RAB35: variants seen among roughly 807,000 people sequenced by gnomAD.
The protein encoded by RAB35 is ras-related protein Rab-35.
RAB35 carries 4 observed loss-of-function variants against 28.9 expected under a neutral mutation model. The ratio of observed to expected loss-of-function variants is 0.14; its 90% confidence interval spans 0.07 to 0.32. The LOEUF is 0.32. RAB35 is among the 10% of genes least tolerant of loss of function. RAB35 has a pLI of 1.00. For missense variants in RAB35, 128 were observed against 274.0 expected (o/e 0.47, Z 3.76); for synonymous variants, 99 against 105.1 (o/e 0.94, Z 0.35).
Position 120,098,949 on chromosome 12 carries a change from C to T in RAB35, c.353-14G>A. 1 of 1,614,172 alleles carries T rather than the reference C, an allele frequency of 6.2e-7. No homozygotes were observed. On this transcript the variant is annotated splice_polypyrimidine_tract_variant and intron_variant, in intron 4 of 5. Coordinates refer to ENST00000229340, the MANE Select transcript of RAB35 (RefSeq NM_006861.7). ...TCTTATTACCCACTTCAAACGAAGG[C>T]AGAGTCAGCGCAGCCCTGAGGGGCG...
chr12:120,107,145 C>T (rs142290512), intron 2 of RAB35, among the ~76,000 whole-genome samples: 132 of 152,044 alleles, frequency 8.7e-4, no homozygotes, highest in East Asian at 1.4e-3. Context: ...TGCACCACCA[C>T]GCCCAGCTAA....
intron 2 of RAB35, among the ~76,000 whole-genome samples, chr12:120,106,306 A>T (rs1399360107): frequency 6.6e-6 from 1 of 152,176 alleles, no homozygotes. Context: ...AGTCGCAACA[A>T]ATAGCTGGTA....
At chr12:120,110,517 G>A (rs1164307041) in intron 1 of RAB35, among the ~76,000 whole-genome samples, 1 of 151,888 alleles carries the variant, frequency 6.6e-6, no homozygotes, top group Non-Finnish European at 1.5e-5. Context: ...TGCCTCCCAA[G>A]GTGCTGGGCT....
chr12:120,115,950 C>A (rs1876312912), intron 1 of RAB35, among the ~76,000 whole-genome samples: 3 of 152,152 alleles, frequency 2.0e-5, no homozygotes, highest in Admixed American at 6.5e-5. Flanking sequence ...GAAACTGAAC[C>A]ACGCAGGGAT....
intron 3 of RAB35, among the ~76,000 whole-genome samples, chr12:120,102,301 G>A (rs758549872): frequency 1.1e-4 from 17 of 152,210 alleles, no homozygotes; most frequent in Non-Finnish European, 1.6e-4. Flanking sequence ...TGAGGTCAGC[G>A]CCCAGACCAG....
chr12:120,106,771 T>C (rs1357821781), intron 2 of RAB35, among the ~76,000 whole-genome samples: 1 of 151,920 alleles, frequency 6.6e-6, no homozygotes, highest in Non-Finnish European at 1.5e-5. Flanking sequence ...TTATTTTTAG[T>C]AGAGACAGAG....
intron 2 of RAB35, among the ~76,000 whole-genome samples, chr12:120,107,244 C>T (rs1212759615): frequency 6.6e-6 from 1 of 152,136 alleles, no homozygotes; most frequent in Non-Finnish European, 1.5e-5. Flanking sequence ...GCCTCGGCCT[C>T]CCAAAGTGCT....
At chr12:120,104,682 C>T (rs1239859870) in intron 2 of RAB35, among the ~76,000 whole-genome samples, 5 of 152,142 alleles carry the variant, frequency 3.3e-5, no homozygotes, top group Middle Eastern at 3.4e-3. Context: ...CTCATTCTGT[C>T]GCCCAGGCTG....
Position 120,102,992 on chromosome 12 carries a change from A to T in RAB35, c.227+834T>A, listed in dbSNP as rs1362176411. ...GCAGCACCAAGCACACAGAGCTGCC[A>T]GACACCACACCCCGGCACGCACGTT... On this transcript the variant is annotated intron_variant, in intron 3 of 5. Transcript: ENST00000229340. 2.0e-5 allele frequency among the ~76,000 whole-genome samples: 3 copies of T among 152,152 alleles called. No individual in the cohort carries two copies. The East Asian group carries it at 5.8e-4, about 29-fold the overall frequency.
At chr12:120,108,964 C>A (rs1438329462) in intron 1 of RAB35, among the ~76,000 whole-genome samples, 1 of 152,224 alleles carries the variant, frequency 6.6e-6, no homozygotes, top group Non-Finnish European at 1.5e-5. Context: ...CCAAGGCCCA[C>A]ATAGCTAGAA....
chr12:120,099,320 G>T, intron 3 of RAB35, 166 bp from the exon 4 acceptor site: 1 of 869,024 alleles, frequency 1.2e-6, no homozygotes, highest in Non-Finnish European at 1.7e-6. Flanking sequence ...CAACAGGCCA[G>T]CAGGAGAGGC....
chr12:120,096,162 G>A lies in RAB35; in HGVS notation c.*1083C>T, dbSNP rs921462982. 1.5e-5 allele frequency: 5 copies of A among 337,002 alleles called. No individual in the cohort carries two copies. Among genetic ancestry groups the A allele is most frequent in the Non-Finnish European group, 2.9e-5 (5 of 173,994 alleles). 20.9% of individuals were successfully genotyped at this position (337,002 alleles called of 1,614,324 possible). On this transcript the variant is annotated 3_prime_UTR_variant, in exon 6 of 6. Transcript: ENST00000229340. ...CAGGCATGCACTCCCCACAGTGCCCGAGGCTGCAGTGTAGACTCCTGACCT... is the reference window on the plus strand; with the variant it reads ...CAGGCATGCACTCCCCACAGTGCCCAAGGCTGCAGTGTAGACTCCTGACCT...
intron 1 of RAB35, among the ~76,000 whole-genome samples, chr12:120,109,444 ACT>A (rs1347142799): frequency 6.6e-6 from 1 of 151,058 alleles, no homozygotes; most frequent in African/African-American, 2.4e-5. Context: ...CAAGAGCGAA[ACT>A]CTGTCTCAAA....
At position 120,095,196 on chromosome 12, in the gene RAB35, G is replaced by A. The variant is rs907496316; in HGVS notation, c.*2049C>T. On this transcript the variant is annotated 3_prime_UTR_variant, in exon 6 of 6. Transcript: ENST00000229340. ...TCCTAGCAAACCATTGAAAAGTGGTGTTTGTTTGACAGGAATTTCACATCA... is the reference window on the plus strand; with the variant it reads ...TCCTAGCAAACCATTGAAAAGTGGTATTTGTTTGACAGGAATTTCACATCA... 1 of 152,588 alleles carries A rather than the reference G, an allele frequency of 6.6e-6. No individual in the cohort carries two copies. Among genetic ancestry groups the A allele is most frequent in the African/African-American group, 2.4e-5 (1 of 41,440 alleles). The allele number at this position is 152,588 out of a possible 1,614,324, so 9.5% of individuals were successfully genotyped here. A position where few individuals can be genotyped will look rare whatever the true frequency, so the allele number is the denominator to read the frequency against.
chr12:120,109,839 C>G (rs1178277314), intron 1 of RAB35, among the ~76,000 whole-genome samples: 3 of 152,074 alleles, frequency 2.0e-5, no homozygotes. Context: ...TGCTTTCAGC[C>G]TGCCAAGTAC....
intron 1 of RAB35, among the ~76,000 whole-genome samples, chr12:120,115,537 T>G (rs1245559957): frequency 1.3e-5 from 2 of 152,204 alleles, no homozygotes; most frequent in African/African-American, 4.8e-5. Context: ...TCCTGACCTC[T>G]TGGTCACTCC....
At chr12:120,116,027 C>T (rs1307293745) in intron 1 of RAB35, among the ~76,000 whole-genome samples, 2 of 152,184 alleles carry the variant, frequency 1.3e-5, no homozygotes, top group African/African-American at 2.4e-5. Flanking sequence ...CTCATTTAAA[C>T]CTCACGGCAA....
At chr12:120,098,170 C>G (rs547188045) in intron 5 of RAB35, among the ~76,000 whole-genome samples, 29 of 152,248 alleles carry the variant, frequency 1.9e-4, no homozygotes, top group Non-Finnish European at 3.8e-4. Context: ...AGGCGTGAGC[C>G]GGCGCGCCCG....
chr12:120,107,132 G>GCA (rs1875917505), intron 2 of RAB35, among the ~76,000 whole-genome samples: 4 of 151,896 alleles, frequency 2.6e-5, no homozygotes, highest in Admixed American at 2.6e-4. Context: ...AGGATTATAG[G>GCA]TATGCACCAC....
Sources: gnomAD v4.1 joint callset for allele counts (sites outside exome capture counted in the v4.1 genomes callset) on GRCh38, gnomAD v4.1.1 for gene constraint, MANE v1.5 for transcripts, NCBI Gene and HGNC (gene_info 2026-07-23, HGNC 2026-07-21) for gene names.